SEH1L: variants seen among roughly 807,000 people sequenced by gnomAD.
The protein encoded by SEH1L is SEH1 like nucleoporin, also known as nucleoporin SEH1.
SEH1L carries 18 observed loss-of-function variants against 49.5 expected under a neutral mutation model. That is an observed-to-expected ratio of 0.36 (90% CI 0.25 to 0.54). The LOEUF (loss-of-function observed/expected upper bound fraction) is 0.54. Among genes scored for constraint, SEH1L ranks in the 20% least tolerant of loss-of-function variants. The pLI, the probability that SEH1L is intolerant of heterozygous loss-of-function variation, is 0.87. For missense variants in SEH1L, 404 were observed against 528.8 expected (o/e 0.76, Z 2.31); for synonymous variants, 169 against 178.1 (o/e 0.95, Z 0.41).
intron 1 of SEH1L, chr18:12,948,673 C>T (rs1271792447): frequency 1.3e-5 from 2 of 158,334 alleles, no homozygotes; most frequent in East Asian, 3.7e-4. Context: ...CTCACCAGGG[C>T]ACATGGTTTT....
intron 1 of SEH1L, among the ~76,000 whole-genome samples, chr18:12,949,344 T>A (rs1269192913): frequency 6.6e-6 from 1 of 151,230 alleles, no homozygotes; most frequent in Non-Finnish European, 1.5e-5. Flanking sequence ...CAGTGATCTC[T>A]CAAAGATAAA....
At chr18:12,984,703 G>T (rs569491730) in intron 8 of SEH1L, 2 of 153,788 alleles carry the variant, frequency 1.3e-5, no homozygotes, top group East Asian at 1.9e-4. Context: ...AGAATATTTA[G>T]CATATGTTAC....
At chr18:12,983,296 CTTTG>C (rs1445002726) in intron 7 of SEH1L, 1 of 152,230 alleles carries the variant, frequency 6.6e-6, no homozygotes, top group Non-Finnish European at 1.5e-5. Context: ...TTATAGCTAT[CTTTG>C]TTTATTTGCC....
At chr18:12,985,818 G>C (rs543131332) in intron 8 of SEH1L, 84 of 934,516 alleles carry the variant, frequency 9.0e-5, no homozygotes, top group Admixed American at 4.3e-4. Flanking sequence ...AAAAATATTA[G>C]TAAAGGAGTG....
intron 1 of SEH1L, among the ~76,000 whole-genome samples, chr18:12,949,905 C>G (rs1236959585): frequency 1.3e-5 from 2 of 152,212 alleles, no homozygotes; most frequent in Non-Finnish European, 2.9e-5. Context: ...ACCCCATCCT[C>G]TGGTAACCTC....
intron 4 of SEH1L, among the ~76,000 whole-genome samples, chr18:12,966,339 G>A (rs1309357148): frequency 6.6e-6 from 1 of 152,028 alleles, no homozygotes; most frequent in Admixed American, 6.6e-5. Context: ...TGATTTGCCG[G>A]CCTCGGCCTC....
chr18:12,985,272 ACTTTG>A, intron 8 of SEH1L: 3 of 1,608,114 alleles, frequency 1.9e-6, no homozygotes, highest in Non-Finnish European at 8.5e-7. Flanking sequence ...AACTGGAGTA[ACTTTG>A]CTGTTTTGCT....
At chr18:12,982,807 T>A in intron 7 of SEH1L, 132 bp downstream of exon 7, 1 of 691,060 alleles carries the variant, frequency 1.4e-6, no homozygotes, top group Non-Finnish European at 2.4e-6. Context: ...TAATTTATGT[T>A]ATTTTGAACA....
intron 8 of SEH1L, chr18:12,986,009 A>G (rs1598986782): frequency 1.1e-6 from 1 of 911,758 alleles, no homozygotes; most frequent in Non-Finnish European, 1.3e-6. Flanking sequence ...GTGTATTTTT[A>G]TGGTGTTATT....
At chr18:12,985,750 G>A (rs1327344920) in intron 8 of SEH1L, 14 of 951,996 alleles carry the variant, frequency 1.5e-5, no homozygotes, top group Non-Finnish European at 1.8e-5. Flanking sequence ...TTTACTTTTT[G>A]TAGATTTGCT....
intron 1 of SEH1L, among the ~76,000 whole-genome samples, chr18:12,949,557 A>G (rs1195347590): frequency 2.2e-5 from 3 of 134,816 alleles, no homozygotes; most frequent in South Asian, 2.4e-4. Context: ...GGTTCACGCC[A>G]TTCTCCTGCC....
intron 4 of SEH1L, among the ~76,000 whole-genome samples, chr18:12,968,378 C>G (rs1223509643): frequency 6.6e-6 from 1 of 152,198 alleles, no homozygotes; most frequent in East Asian, 1.9e-4. Flanking sequence ...GGGCGCAGTT[C>G]CTTCCTCCCT....
intron 8 of SEH1L, 136 bp from the exon 9 acceptor site, chr18:12,986,726 G>A (rs2032471180): frequency 2.4e-6 from 3 of 1,262,420 alleles, no homozygotes; most frequent in African/African-American, 1.6e-5. Context: ...ATATACTAAA[G>A]CTTTTTTTTT....
At chr18:12,962,609 AG>A (rs2031241473) in intron 3 of SEH1L, among the ~76,000 whole-genome samples, 1 of 150,236 alleles carries the variant, frequency 6.7e-6, no homozygotes, top group African/African-American at 2.4e-5. Context: ...CTGGGGCCAC[AG>A]GCGTGCACCA....
At chr18:12,981,849 CATTTTTTTT>C (rs1179102501) in intron 6 of SEH1L, among the ~76,000 whole-genome samples, 2 of 102,504 alleles carry the variant, frequency 2.0e-5, no homozygotes, top group Non-Finnish European at 3.7e-5. Context: ...CTGCCCTGCC[CATTTTTTTT>C]TTTTTTTTTT....
intron 2 of SEH1L, among the ~76,000 whole-genome samples, chr18:12,955,220 A>G (rs1300270336): frequency 6.6e-6 from 1 of 150,772 alleles, no homozygotes; most frequent in African/African-American, 2.4e-5. Flanking sequence ...ATGTCAGAAG[A>G]ACTGGACTTC....
At position 12,952,393 on chromosome 18, in the gene SEH1L, C is replaced by T. The variant is rs118101711; in HGVS notation, c.162+488C>T. The stretch of plus-strand genomic sequence containing the variant: ...GACTGTAGGCGTGCACCACGATGCC[C>T]GGCTAATTTTTGTGTTTTTAGCAGA... On this transcript the variant is annotated intron_variant, in intron 2 of 8. Transcript: ENST00000399892. Among the ~76,000 whole-genome samples, 29 of 152,064 alleles carry T rather than the reference C, an allele frequency of 1.9e-4. No homozygotes were observed. The East Asian group carries it at 5.0e-3, about 26-fold the overall frequency.
At chr18:12,982,416 T>C (rs555098055) in intron 6 of SEH1L, 102 bp from the exon 7 acceptor site, 11 of 801,018 alleles carry the variant, frequency 1.4e-5, no homozygotes, top group Middle Eastern at 3.1e-4. Flanking sequence ...AGACCACTTG[T>C]ATTAATTTAG....
chr18:12,979,262 C>A (rs1274429184), intron 6 of SEH1L, among the ~76,000 whole-genome samples: 2 of 149,084 alleles, frequency 1.3e-5, no homozygotes, highest in Admixed American at 6.7e-5. Flanking sequence ...TAGGGAGTGG[C>A]GATGACTCTT....
Sources: allele counts gnomAD v4.1 joint callset (sites outside exome capture counted in the v4.1 genomes callset), GRCh38; gene constraint gnomAD v4.1.1; transcripts MANE v1.5; gene names NCBI Gene and HGNC (gene_info 2026-07-23, HGNC 2026-07-21).